MCTP1: variants seen among roughly 807,000 people sequenced by gnomAD.
MCTP1 encodes the protein multiple C2 and transmembrane domain-containing protein 1.
A neutral mutation model predicts 120.6 loss-of-function variants in MCTP1; 69 were observed. The observed-to-expected ratio is 0.57, with a 90% CI of 0.47 to 0.70. The LOEUF (loss-of-function observed/expected upper bound fraction) is 0.70. Among genes scored for constraint, MCTP1 ranks in the 30% least tolerant of loss-of-function variants. MCTP1 has a pLI of 0.00. For synonymous variants in MCTP1, 529 were observed against 493.1 expected, an observed-to-expected ratio of 1.07 and a Z score of -0.96; for missense variants, 1,203 against 1,248.8, an observed-to-expected ratio of 0.96 and a Z score of 0.55.
chr5:94,840,532 A>G (rs1790789906), intron 17 of MCTP1, among the ~76,000 whole-genome samples: 1 of 152,168 alleles, frequency 6.6e-6, no homozygotes, highest in East Asian at 1.9e-4. Context: ...CTGCTGCTCT[A>G]GATGTTTCAA....
chr5:94,947,735 A>T (rs1481684686), intron 3 of MCTP1, among the ~76,000 whole-genome samples: 1 of 149,130 alleles, frequency 6.7e-6, no homozygotes, highest in Non-Finnish European at 1.5e-5. Flanking sequence ...TCCAGGCTCA[A>T]CCTCCCTAGA....
At chr5:94,911,179 G>C (rs1055901645) in intron 9 of MCTP1, among the ~76,000 whole-genome samples, 1 of 152,132 alleles carries the variant, frequency 6.6e-6, no homozygotes, top group African/African-American at 2.4e-5. Context: ...AAAATCTATA[G>C]AGATTATGAC....
At chr5:94,800,294 C>G (rs1242601883) in intron 17 of MCTP1, among the ~76,000 whole-genome samples, 1 of 152,164 alleles carries the variant, frequency 6.6e-6, no homozygotes, top group Non-Finnish European at 1.5e-5. Context: ...ATACTGGAAG[C>G]TAGAAAGCCC....
In MCTP1 at chr5:95,073,105, C is replaced by G. The variant is rs188231194; in HGVS notation, c.721-55621G>C. 5.7e-3 allele frequency among the ~76,000 whole-genome samples: 869 copies of G among 152,302 alleles called. 4 individuals are homozygous for G. Among genetic ancestry groups the G allele is most frequent in the Non-Finnish European group, 8.8e-3 (600 of 68,018 alleles). ...TTGCTCCTTGTTACAGCTCATCACA[C>G]TAGCCCATGGTCACAATGAAGCTTG... is the stretch of plus-strand genomic sequence containing the variant. On this transcript the variant is annotated intron_variant, in intron 1 of 22. Coordinates refer to ENST00000515393, the MANE Select transcript of MCTP1 (RefSeq NM_024717.7).
chr5:94,730,488 G>A (rs888493161), intron 19 of MCTP1, among the ~76,000 whole-genome samples: 1 of 152,180 alleles, frequency 6.6e-6, no homozygotes, highest in Non-Finnish European at 1.5e-5. Flanking sequence ...AGTGGAGCAG[G>A]AGCAAGCTTG....
intron 1 of MCTP1, among the ~76,000 whole-genome samples, chr5:95,236,791 T>A (rs1416430290): frequency 6.6e-6 from 1 of 152,128 alleles, no homozygotes; most frequent in Non-Finnish European, 1.5e-5. Flanking sequence ...TCAGAACTGC[T>A]GGAGTCATCC....
At chr5:95,005,619 C>T (rs139478461) in intron 2 of MCTP1, among the ~76,000 whole-genome samples, 2 of 152,176 alleles carry the variant, frequency 1.3e-5, no homozygotes, top group African/African-American at 2.4e-5. Context: ...GCACTTTCCC[C>T]ACTTCTCTTG....
At chr5:94,865,482 A>T (rs1292687314) in intron 17 of MCTP1, among the ~76,000 whole-genome samples, 1 of 151,776 alleles carries the variant, frequency 6.6e-6, no homozygotes, top group Non-Finnish European at 1.5e-5. Context: ...AGTAGAACCG[A>T]TATTATGATA....
At chr5:95,069,274 T>C (rs1232454551) in intron 1 of MCTP1, among the ~76,000 whole-genome samples, 2 of 152,196 alleles carry the variant, frequency 1.3e-5, no homozygotes, top group Admixed American at 1.3e-4. Context: ...ACTATCTACA[T>C]AGCATAAACA....
chr5:94,883,187 T>C (rs758435611), intron 12 of MCTP1, among the ~76,000 whole-genome samples: 1 of 152,224 alleles, frequency 6.6e-6, no homozygotes, highest in Non-Finnish European at 1.5e-5. Flanking sequence ...ATAGTATTAA[T>C]ACATTTATCA....
At chr5:94,770,772 T>G (rs1485964709) in intron 19 of MCTP1, among the ~76,000 whole-genome samples, 2 of 152,228 alleles carry the variant, frequency 1.3e-5, no homozygotes, top group African/African-American at 4.8e-5. Flanking sequence ...TGTAATTATT[T>G]TTTTAAAATA....
chr5:94,761,812 A>G (rs966578166), intron 19 of MCTP1, among the ~76,000 whole-genome samples: 1 of 152,214 alleles, frequency 6.6e-6, no homozygotes. Context: ...TTGCTTGACT[A>G]CTAAGACAAT....
intron 11 of MCTP1, among the ~76,000 whole-genome samples, chr5:94,892,881 G>A (rs1333152288): frequency 6.6e-6 from 1 of 152,118 alleles, no homozygotes; most frequent in African/African-American, 2.4e-5. Context: ...TAATAAAAGG[G>A]AAACACACTG....
At chr5:94,891,243 G>A (rs1343777378) in intron 11 of MCTP1, among the ~76,000 whole-genome samples, 1 of 152,044 alleles carries the variant, frequency 6.6e-6, no homozygotes, top group Non-Finnish European at 1.5e-5. Flanking sequence ...AAATACCCAG[G>A]TGACAAGGTT....
chr5:95,018,981 A>G (rs934000913), intron 1 of MCTP1, among the ~76,000 whole-genome samples: 20 of 152,050 alleles, frequency 1.3e-4, no homozygotes, highest in Non-Finnish European at 2.6e-4. Context: ...AAACACATAC[A>G]TATAGGTTTG....
intron 1 of MCTP1, among the ~76,000 whole-genome samples, chr5:95,076,119 A>G (rs904824791): frequency 2.6e-5 from 4 of 152,208 alleles, no homozygotes; most frequent in South Asian, 4.1e-4. Context: ...TAACTTATCA[A>G]TTAGGCACAG....
chr5:95,165,220 T>C (rs949085463), intron 1 of MCTP1, among the ~76,000 whole-genome samples: 1 of 152,156 alleles, frequency 6.6e-6, no homozygotes, highest in African/African-American at 2.4e-5. Flanking sequence ...AGGAAATAAA[T>C]ACGATAAGCA....
intron 1 of MCTP1, among the ~76,000 whole-genome samples, chr5:95,267,813 C>T (rs183504661): frequency 4.3e-4 from 66 of 152,304 alleles, no homozygotes; most frequent in Admixed American, 1.6e-3. Context: ...CTGGTCCCTG[C>T]CACTAATCCC....
rs566083524 is a variant in MCTP1, at chr5:94,813,506, C to T, written c.2437-14374G>A. Among the ~76,000 whole-genome samples the T allele has an allele frequency of 5.3e-5, 8 of 152,224 alleles. No individual in the cohort carries two copies. In the South Asian group the frequency reaches 8.3e-4, roughly 16 times the overall value. ...ATATGCCTACATAAAGATACATACA[C>T]GGATGTGCATTGCAGCATTATTCAT... On this transcript the variant is annotated intron_variant, in intron 17 of 22. Transcript: ENST00000515393.
Sources: gnomAD v4.1 joint callset for allele counts (sites outside exome capture counted in the v4.1 genomes callset) on GRCh38, gnomAD v4.1.1 for gene constraint, MANE v1.5 for transcripts, NCBI Gene and HGNC (gene_info 2026-07-23, HGNC 2026-07-21) for gene names.